The following ARHGAP35 variants were observed in gnomAD, a reference collection of about 807,000 sequenced individuals.
The protein encoded by ARHGAP35 is Rho GTPase activating protein 35.
A neutral mutation model predicts 111.1 loss-of-function variants in ARHGAP35; 15 were observed. The ratio of observed to expected loss-of-function variants is 0.13; its 90% CI spans 0.09 to 0.21. The LOEUF is 0.21. Among genes scored for constraint, ARHGAP35 ranks in the 10% least tolerant of loss-of-function variants. The pLI, the probability that ARHGAP35 is intolerant of heterozygous loss-of-function variation, is 1.00. For synonymous variants in ARHGAP35, 643 were observed against 710.3 expected (o/e 0.91, Z 1.51); for missense variants, 1,262 against 1,873.0 (o/e 0.67, Z 6.02).
chr19:46,883,288 C>T (rs993008583), intron 1 of ARHGAP35, among the ~76,000 whole-genome samples: 37 of 149,924 alleles, frequency 2.5e-4, no homozygotes, highest in African/African-American at 9.1e-4. Flanking sequence ...TTAGTAGAGA[C>T]AGGGTTTCGC....
At chr19:46,996,215 T>G (rs1208752673) in intron 5 of ARHGAP35, among the ~76,000 whole-genome samples, 1 of 152,224 alleles carries the variant, frequency 6.6e-6, no homozygotes, top group Non-Finnish European at 1.5e-5. Flanking sequence ...GTGATCCTTC[T>G]GCCTCAGCCT....
At chr19:46,947,082 C>T (rs1334841639) in intron 3 of ARHGAP35, 1 of 152,170 alleles carries the variant, frequency 6.6e-6, no homozygotes, top group Non-Finnish European at 1.5e-5. Flanking sequence ...GAGAGGATCA[C>T]GTGGTTGTAG....
chr19:46,927,201 A>G (rs1055510051), intron 2 of ARHGAP35, among the ~76,000 whole-genome samples: 2 of 152,344 alleles, frequency 1.3e-5, no homozygotes, highest in East Asian at 3.9e-4. Context: ...GGAAGGAGAC[A>G]TGCATTTCGG....
intron 1 of ARHGAP35, among the ~76,000 whole-genome samples, chr19:46,863,122 C>T (rs921046591): frequency 1.3e-5 from 2 of 151,396 alleles, no homozygotes; most frequent in Non-Finnish European, 2.9e-5. Flanking sequence ...CCTATCAGAC[C>T]TGCTCCTCGC....
intron 3 of ARHGAP35, among the ~76,000 whole-genome samples, chr19:46,973,305 A>G (rs1348593126): frequency 6.6e-6 from 1 of 152,152 alleles, no homozygotes; most frequent in Non-Finnish European, 1.5e-5. Context: ...CGGAGGTTGC[A>G]GTGAGTCGAG....
intron 1 of ARHGAP35, among the ~76,000 whole-genome samples, chr19:46,907,272 G>A (rs1377632951): frequency 1.3e-5 from 2 of 151,444 alleles, no homozygotes; most frequent in South Asian, 2.1e-4. Flanking sequence ...TCAGCCTCCC[G>A]AGTGGCTGGG....
chr19:46,890,245 A>C (rs946085086), intron 1 of ARHGAP35, among the ~76,000 whole-genome samples: 2 of 152,192 alleles, frequency 1.3e-5, no homozygotes, highest in African/African-American at 2.4e-5. Context: ...TGAACATCTA[A>C]GGAGGAGTAT....
chr19:46,879,629 CA>C (rs2055948344), intron 1 of ARHGAP35, among the ~76,000 whole-genome samples: 1 of 21,394 alleles, frequency 4.7e-5, no homozygotes, highest in South Asian at 9.4e-4. Context: ...AATAAAAATA[CA>C]AAAATTAGCC....
intron 3 of ARHGAP35, among the ~76,000 whole-genome samples, chr19:46,961,092 A>G (rs1293563935): frequency 6.6e-6 from 1 of 151,634 alleles, no homozygotes; most frequent in Non-Finnish European, 1.5e-5. Context: ...ATGGGGTTTC[A>G]CCATGTTGGC....
At position 46,874,587 on chromosome 19, in the gene ARHGAP35, C is replaced by G. The variant is rs528299758; in HGVS notation, c.-189+13378C>G. Among the ~76,000 whole-genome samples the G allele has an allele frequency of 9.8e-4, 147 of 149,446 alleles. 1 individual carries two copies. The highest frequency in any genetic ancestry group is 1.8e-3 in the Non-Finnish European group (123 of 67,604). On this transcript the variant is annotated intron_variant, in intron 1 of 6. Transcript: ENST00000672722. ...GGCACAATCTTCGGCTCACAGCAAC[C>G]TCCGCCTCCTGCGTTCAAGCGATTC... is the stretch of plus-strand genomic sequence containing the variant.
Position 46,881,759 on chromosome 19 carries a change from G to A in ARHGAP35, c.-189+20550G>A, listed in dbSNP as rs576006824. Among the ~76,000 whole-genome samples the A allele has an allele frequency of 4.6e-5, 7 of 152,304 alleles. No individual in the cohort carries two copies. In the East Asian group the frequency reaches 1.3e-3, roughly 29 times the overall value. On this transcript the variant is annotated intron_variant, in intron 1 of 6. Transcript: ENST00000672722. ...CTAACAAGGGTCAGCCTGTCCTGTG[G>A]AGCTTTGAAGCCAGCCATTGACTTC... is the stretch of plus-strand genomic sequence containing the variant.
Position 46,989,411 on chromosome 19 carries a change from C to T in ARHGAP35, c.3905-133C>T. The T allele has an allele frequency of 8.1e-7, 1 of 1,229,952 alleles. No homozygotes were observed. The allele number at this position is 1,229,952 out of a possible 1,614,324, so 76.2% of individuals were successfully genotyped here. A position where few individuals can be genotyped will look rare whatever the true frequency, so the allele number is the denominator to read the frequency against. On this transcript the variant is annotated intron_variant, in intron 4 of 6. Transcript: ENST00000672722. This position sits in a 1 kb window ranked among gnomAD's most constrained non-coding sequence, Gnocchi z 5.3. ...GCGTTAGCGCTCACAAGTCCCACCC[C>T]TCCAATCCTTGCCAGTCCTGAGGCC...
At chr19:46,958,920 T>C (rs1445871000) in intron 3 of ARHGAP35, among the ~76,000 whole-genome samples, 1 of 152,156 alleles carries the variant, frequency 6.6e-6, no homozygotes, top group Non-Finnish European at 1.5e-5. Context: ...ATGTCTCCAG[T>C]TTTGTCAAAT....
rs1310356242 is a variant in ARHGAP35 at position 46,920,436 on chromosome 19, A to G, written c.1761A>G (p.Lys587=). The G allele has an allele frequency of 2.5e-6, 4 of 1,613,788 alleles. No homozygotes were observed. The Admixed American group carries it at 5.0e-5, about 20-fold the overall frequency. ...RFIRPSDRNQ[K]NSLSDPNIDR... ...TCCGGCCGTCTGACCGGAATCAGAAAAATTCACTCTCTGACCCTAACATTG... is the reference window on the plus strand; with the variant it reads ...TCCGGCCGTCTGACCGGAATCAGAAGAATTCACTCTCTGACCCTAACATTG... Residue 587 remains lysine (K), a synonymous_variant, in exon 2 of 7, where the codon AAA becomes AAG. Transcript: ENST00000672722. The surrounding 1 kb of genome is among the most constrained non-coding windows in gnomAD (Gnocchi z 7.0).
intron 1 of ARHGAP35, among the ~76,000 whole-genome samples, chr19:46,915,550 A>G (rs941127758): frequency 6.6e-6 from 1 of 152,180 alleles, no homozygotes; most frequent in Non-Finnish European, 1.5e-5. Flanking sequence ...CAGTCAGAAT[A>G]ATGCGTGGTG....
At chr19:46,889,738 G>T (rs1156857551) in intron 1 of ARHGAP35, among the ~76,000 whole-genome samples, 1 of 124,392 alleles carries the variant, frequency 8.0e-6, no homozygotes, top group Non-Finnish European at 1.6e-5. Flanking sequence ...GCGACAGAGC[G>T]AGACTCCGTC....
In ARHGAP35 at chr19:46,957,591, A is replaced by T. The variant is rs531158434; in HGVS notation, c.3826+20183A>T. On this transcript the variant is annotated intron_variant, in intron 3 of 6. Transcript: ENST00000672722. Reference sequence around the variant, plus strand: ...TCACGCTACTGCATTCCAGACCGGCAATAGAGTTAAACCCTATCTCAAAAA... The same window carrying T: ...TCACGCTACTGCATTCCAGACCGGCTATAGAGTTAAACCCTATCTCAAAAA... Among the ~76,000 whole-genome samples, 6 of 152,336 alleles carry T rather than the reference A, an allele frequency of 3.9e-5. 1 individual carries two copies. In the East Asian group the frequency reaches 9.7e-4, roughly 25 times the overall value.
chr19:46,874,770 T>C (rs1186779254), intron 1 of ARHGAP35, among the ~76,000 whole-genome samples: 4 of 148,858 alleles, frequency 2.7e-5, no homozygotes, highest in African/African-American at 1.0e-4. Flanking sequence ...CCCAAAGCGC[T>C]AGGATACAGG....
At chr19:46,869,670 A>G (rs1047242126) in intron 1 of ARHGAP35, among the ~76,000 whole-genome samples, 1 of 152,172 alleles carries the variant, frequency 6.6e-6, no homozygotes, top group African/African-American at 2.4e-5. Flanking sequence ...GCAATTAAAA[A>G]GAGTTCTTTG....
Sources: gnomAD v4.1 joint callset for allele counts (sites outside exome capture counted in the v4.1 genomes callset) on GRCh38, gnomAD v4.1.1 for gene constraint, Gnocchi (gnomAD v3.1) non-coding constraint, MANE v1.5 for transcripts, NCBI Gene and HGNC (gene_info 2026-07-23, HGNC 2026-07-21) for gene names.